CPNE4: variants seen among roughly 807,000 people sequenced by gnomAD.
CPNE4 encodes the protein copine 4, also known as copine-4.
In CPNE4, 25 loss-of-function variants were observed where a neutral mutation model predicts 67.9. The ratio of observed to expected loss-of-function variants is 0.37; its 90% CI spans 0.27 to 0.51. The LOEUF is 0.51. Ranked by LOEUF, CPNE4 falls within the 20% of genes least tolerant of loss-of-function variation. The pLI, the probability that CPNE4 is intolerant of heterozygous loss-of-function variation, is 0.93. For synonymous variants in CPNE4, 242 were observed against 244.9 expected, an observed-to-expected ratio of 0.99 and a Z score of 0.11; for missense variants, 464 against 690.8, an observed-to-expected ratio of 0.67 and a Z score of 3.68.
At chr3:131,939,519 T>C (rs551690708) in intron 1 of CPNE4, among the ~76,000 whole-genome samples, 2 of 93,930 alleles carry the variant, frequency 2.1e-5, no homozygotes, top group East Asian at 3.3e-4. Context: ...TGGGTGGATG[T>C]GTAGGGTGGA....
rs1262915884 is a variant in CPNE4, at chr3:132,001,611, GA to G, written c.-2+32955del. On this transcript the variant is annotated intron_variant, in intron 1 of 15. Transcript: ENST00000429747. The stretch of plus-strand genomic sequence containing the variant: ...AGAAAGAAAGAAAGAAAGAAAGAAA[GA>G]AAGAAAATGAAGAGGAAGAGGAGAA... 3.4e-5 allele frequency among the ~76,000 whole-genome samples: 5 copies of G among 146,024 alleles called. 1 individual carries two copies. The highest frequency in any genetic ancestry group is 7.8e-5 in the African/African-American group (3 of 38,226).
intron 9 of CPNE4, among the ~76,000 whole-genome samples, chr3:131,575,787 T>C (rs546800868): frequency 2.6e-5 from 4 of 152,080 alleles, no homozygotes; most frequent in African/African-American, 4.8e-5. Flanking sequence ...AATGGTAGAG[T>C]TGAGACTCAA....
At chr3:132,025,469 A>G (rs2074097981) in intron 1 of CPNE4, among the ~76,000 whole-genome samples, 1 of 152,174 alleles carries the variant, frequency 6.6e-6, no homozygotes, top group Admixed American at 6.5e-5. Flanking sequence ...GAACAGAGAG[A>G]GAGGAGAGGA....
chr3:131,938,735 C>A (rs1026116528), intron 1 of CPNE4, among the ~76,000 whole-genome samples: 1 of 152,036 alleles, frequency 6.6e-6, no homozygotes, highest in Non-Finnish European at 1.5e-5. Context: ...CCCCATGATC[C>A]AATCACCTCC....
chr3:131,729,399 T>G (rs1332037982), intron 2 of CPNE4, among the ~76,000 whole-genome samples: 1 of 152,224 alleles, frequency 6.6e-6, no homozygotes, highest in African/African-American at 2.4e-5. Flanking sequence ...CAAGGAGACA[T>G]ATTAAACCAC....
chr3:131,630,824 C>G (rs573395957), intron 7 of CPNE4, among the ~76,000 whole-genome samples: 8 of 152,128 alleles, frequency 5.3e-5, no homozygotes, highest in Non-Finnish European at 1.0e-4. Context: ...GTCTTAGACT[C>G]AATGAAATAT....
intron 10 of CPNE4, among the ~76,000 whole-genome samples, chr3:131,565,457 T>G (rs1352184137): frequency 6.6e-6 from 1 of 152,026 alleles, no homozygotes; most frequent in Non-Finnish European, 1.5e-5. Flanking sequence ...CACCATTGGT[T>G]CTAGGAAGGT....
chr3:131,735,648 G>A (rs758408654), intron 2 of CPNE4, among the ~76,000 whole-genome samples: 1 of 152,184 alleles, frequency 6.6e-6, no homozygotes, highest in Non-Finnish European at 1.5e-5. Flanking sequence ...TTGCATTGAA[G>A]TGTTAAGAAA....
chr3:131,857,805 A>G (rs1308604280), intron 2 of CPNE4, among the ~76,000 whole-genome samples: 1 of 152,022 alleles, frequency 6.6e-6, no homozygotes, highest in Non-Finnish European at 1.5e-5. Context: ...TAGACTAATT[A>G]CGTTGTAGAA....
chr3:131,713,471 A>T (rs11708621), intron 3 of CPNE4, among the ~76,000 whole-genome samples: 13,457 of 152,064 alleles, frequency 0.088, 807 homozygotes, highest in Non-Finnish European at 0.12. Flanking sequence ...AGAAATGAGA[A>T]TGTGTGGAGA....
At chr3:131,667,191 C>T (rs1022457832) in intron 7 of CPNE4, among the ~76,000 whole-genome samples, 9 of 151,846 alleles carry the variant, frequency 5.9e-5, no homozygotes, top group Non-Finnish European at 1.2e-4. Flanking sequence ...AAGTTCGTTG[C>T]TTTCTGATGC....
At chr3:131,814,391 T>C (rs1424412673) in intron 2 of CPNE4, among the ~76,000 whole-genome samples, 1 of 151,918 alleles carries the variant, frequency 6.6e-6, no homozygotes, top group Non-Finnish European at 1.5e-5. Context: ...AAGTGATTCA[T>C]TACTCATAAC....
At chr3:131,688,177 T>C (rs1335807764) in intron 5 of CPNE4, among the ~76,000 whole-genome samples, 1 of 152,056 alleles carries the variant, frequency 6.6e-6, no homozygotes, top group Non-Finnish European at 1.5e-5. Flanking sequence ...AGATGAGAGG[T>C]GGGAATAACT....
chr3:131,645,670 C>G (rs561563807), intron 7 of CPNE4, among the ~76,000 whole-genome samples: 1 of 152,186 alleles, frequency 6.6e-6, no homozygotes, highest in African/African-American at 2.4e-5. Context: ...GTCTCAAGAG[C>G]CTTTGTGGCA....
At chr3:131,938,153 T>C (rs967415910) in intron 1 of CPNE4, among the ~76,000 whole-genome samples, 1 of 152,004 alleles carries the variant, frequency 6.6e-6, no homozygotes, top group Admixed American at 6.6e-5. Flanking sequence ...GCCCAGGAAT[T>C]CGAGACCAGC....
chr3:131,740,866 C>G (rs973090744), intron 2 of CPNE4, among the ~76,000 whole-genome samples: 4 of 152,186 alleles, frequency 2.6e-5, no homozygotes, highest in African/African-American at 9.7e-5. Flanking sequence ...TATAATACCA[C>G]TCTACCCTTC....
intron 1 of CPNE4, among the ~76,000 whole-genome samples, chr3:131,978,098 T>TTTATATATATATATA (rs2072729085): frequency 1.3e-5 from 1 of 76,438 alleles, no homozygotes; most frequent in African/African-American, 1.0e-4. Flanking sequence ...AATATATATA[T>TTTATATATATATATA]AAATATATAT....
At chr3:131,747,163 T>C (rs1358599936) in intron 2 of CPNE4, among the ~76,000 whole-genome samples, 2 of 151,696 alleles carry the variant, frequency 1.3e-5, no homozygotes, top group Non-Finnish European at 2.9e-5. Flanking sequence ...GAGTTCTTTA[T>C]ACATTTTGGA....
intron 2 of CPNE4, among the ~76,000 whole-genome samples, chr3:131,777,325 T>C (rs182812932): frequency 3.3e-5 from 5 of 152,074 alleles, no homozygotes; most frequent in Admixed American, 3.3e-4. Flanking sequence ...GTGAGATATG[T>C]TCAGCTTTGA....
Sources: allele counts gnomAD v4.1 joint callset (sites outside exome capture counted in the v4.1 genomes callset), GRCh38; gene constraint gnomAD v4.1.1; transcripts MANE v1.5; gene names NCBI Gene and HGNC (gene_info 2026-07-23, HGNC 2026-07-21).